The following UBA2 variants were observed in gnomAD, a reference collection of about 807,000 sequenced individuals.
UBA2 encodes ubiquitin like modifier activating enzyme 2.
A neutral mutation model predicts 77.2 loss-of-function variants in UBA2; 11 were observed. The ratio of observed to expected loss-of-function variants is 0.14; its 90% CI spans 0.09 to 0.24. UBA2 has a LOEUF of 0.24. UBA2 is among the 10% of genes least tolerant of loss of function. UBA2 has a pLI of 1.00. For synonymous variants in UBA2, 278 were observed against 276.7 expected (o/e 1.00, Z -0.05); for missense variants, 487 against 781.7 (o/e 0.62, Z 4.50).
intron 6 of UBA2, among the ~76,000 whole-genome samples, chr19:34,442,089 G>T (rs1420782073): frequency 6.6e-6 from 1 of 151,952 alleles, no homozygotes; most frequent in Non-Finnish European, 1.5e-5. Flanking sequence ...TTAAAAATTA[G>T]CAAGGCATGG....
intron 8 of UBA2, 150 bp from the exon 9 acceptor site, chr19:34,450,115 T>C (rs1351735094): frequency 5.6e-6 from 3 of 535,200 alleles, no homozygotes; most frequent in Non-Finnish European, 3.3e-6. Flanking sequence ...TTTACAAATG[T>C]TTTTCCTTTT....
intron 13 of UBA2, among the ~76,000 whole-genome samples, chr19:34,460,126 C>T (rs1373537068): frequency 1.3e-5 from 2 of 152,164 alleles, no homozygotes; most frequent in African/African-American, 2.4e-5. Flanking sequence ...CTATGAAACC[C>T]CTGCCATTAC....
intron 6 of UBA2, among the ~76,000 whole-genome samples, chr19:34,439,804 T>A (rs1568370710): frequency 6.7e-6 from 1 of 148,854 alleles, no homozygotes; most frequent in East Asian, 2.0e-4. Context: ...TGGGTGATAG[T>A]GAGATCCTGT....
chr19:34,458,397 A>G (rs2075592852), intron 12 of UBA2, among the ~76,000 whole-genome samples: 1 of 151,586 alleles, frequency 6.6e-6, no homozygotes, highest in Non-Finnish European at 1.5e-5. Context: ...CTACTAAAAA[A>G]AAAATACAAA....
At chr19:34,437,198 G>A (rs1261575398) in intron 5 of UBA2, among the ~76,000 whole-genome samples, 10 of 151,748 alleles carry the variant, frequency 6.6e-5, no homozygotes, top group South Asian at 6.3e-4. Flanking sequence ...CTGACCTCAG[G>A]TGATCCGCCT....
chr19:34,439,845 T>G (rs969123641), intron 6 of UBA2, among the ~76,000 whole-genome samples: 1 of 150,134 alleles, frequency 6.7e-6, no homozygotes, highest in Admixed American at 6.7e-5. Flanking sequence ...AAAAAAAGAA[T>G]GAGAAGGAAG....
At chr19:34,440,014 G>T (rs1371011224) in intron 6 of UBA2, among the ~76,000 whole-genome samples, 1 of 151,954 alleles carries the variant, frequency 6.6e-6, no homozygotes, top group Non-Finnish European at 1.5e-5. Flanking sequence ...AATGATCTGG[G>T]TAAATACATT....
chr19:34,428,731 G>C, intron 1 of UBA2, 161 bp downstream of exon 1: 1 of 1,153,006 alleles, frequency 8.7e-7, no homozygotes, highest in African/African-American at 1.6e-5. Context: ...CCCCCCCCGC[G>C]GGAGGAGACT....
intron 9 of UBA2, 106 bp from the exon 10 acceptor site, chr19:34,451,875 T>C: frequency 1.6e-6 from 1 of 610,774 alleles, no homozygotes; most frequent in Non-Finnish European, 2.5e-6. Context: ...GGAATTTATT[T>C]CATATTTGAT....
chr19:34,456,139 C>T (rs1347716531), intron 12 of UBA2, among the ~76,000 whole-genome samples: 1 of 84,862 alleles, frequency 1.2e-5, no homozygotes, highest in South Asian at 3.8e-4. Flanking sequence ...TGGAATCTTG[C>T]TCTCACCCAG....
At chr19:34,468,494 G>A (rs948600733) in intron 16 of UBA2, among the ~76,000 whole-genome samples, 3 of 152,170 alleles carry the variant, frequency 2.0e-5, no homozygotes, top group African/African-American at 7.2e-5. Flanking sequence ...TGTTGGACGA[G>A]GAGATAAAAC....
chr19:34,458,613 C>T, intron 12 of UBA2, 156 bp from the exon 13 acceptor site: 1 of 379,710 alleles, frequency 2.6e-6, no homozygotes, highest in Non-Finnish European at 4.7e-6. Context: ...AAACCAGGTT[C>T]CTAAAAAGGT....
rs775985439 is a variant in UBA2, at chr19:34,452,192, T to C, written c.1038+45T>C. Reference sequence around the variant, plus strand: ...GGCAAGTACTTACATGTCAAAAGTGTGTTTTAGTTCTTGAGATGTAATAGA... The same window carrying C: ...GGCAAGTACTTACATGTCAAAAGTGCGTTTTAGTTCTTGAGATGTAATAGA... On this transcript the variant is annotated intron_variant, in intron 10 of 16. Transcript: ENST00000246548. The C allele has an allele frequency of 4.1e-6, 6 of 1,461,020 alleles. No individual in the cohort carries two copies. The Admixed American group carries it at 6.3e-5, about 15-fold the overall frequency. The allele number at this position is 1,461,020 out of a possible 1,614,324, so 90.5% of individuals were successfully genotyped here. A position where few individuals can be genotyped will look rare whatever the true frequency, so the allele number is the denominator to read the frequency against.
intron 5 of UBA2, among the ~76,000 whole-genome samples, chr19:34,436,362 C>T (rs1347960739): frequency 4.6e-5 from 7 of 152,018 alleles, no homozygotes; most frequent in African/African-American, 9.7e-5. Flanking sequence ...TGCAGTGGCG[C>T]GATCTCAGCT....
intron 12 of UBA2, among the ~76,000 whole-genome samples, chr19:34,454,788 C>G (rs74551767): frequency 6.6e-6 from 1 of 152,298 alleles, no homozygotes; most frequent in Non-Finnish European, 1.5e-5. Flanking sequence ...TTACTGAATT[C>G]TTCGAAGAAT....
chr19:34,436,168 A>G (rs2075306344), intron 5 of UBA2, among the ~76,000 whole-genome samples: 1 of 152,108 alleles, frequency 6.6e-6, no homozygotes, highest in African/African-American at 2.4e-5. Context: ...TGGGCTTATA[A>G]TGTGGAAGGG....
At chr19:34,433,968 A>T (rs1035949646) in intron 4 of UBA2, among the ~76,000 whole-genome samples, 3 of 152,106 alleles carry the variant, frequency 2.0e-5, no homozygotes, top group African/African-American at 7.2e-5. Flanking sequence ...AAAAAAAGAA[A>T]AAGTGTGACT....
chr19:34,456,124 T>TTTTTTTTG (rs2075559769), intron 12 of UBA2, among the ~76,000 whole-genome samples: 1 of 123,746 alleles, frequency 8.1e-6, no homozygotes, highest in Non-Finnish European at 1.8e-5. Flanking sequence ...TTTTTTTTTT[T>TTTTTTTTG]GAGGTGGAAT....
intron 12 of UBA2, among the ~76,000 whole-genome samples, chr19:34,455,449 G>A (rs901433605): frequency 1.3e-5 from 2 of 152,132 alleles, no homozygotes; most frequent in African/African-American, 4.8e-5. Context: ...TCCTTCCTTC[G>A]ATGTTGTGTC....
Sources: gnomAD v4.1 joint callset for allele counts (sites outside exome capture counted in the v4.1 genomes callset) on GRCh38, gnomAD v4.1.1 for gene constraint, MANE v1.5 for transcripts, NCBI Gene and HGNC (gene_info 2026-07-23, HGNC 2026-07-21) for gene names.